Variants in CADPS observed in about 807,000 individuals in gnomAD.
CADPS encodes calcium-dependent secretion activator 1.
Under a neutral mutation model 167.3 loss-of-function variants are expected in CADPS, and 57 were observed. That is an observed-to-expected ratio of 0.34 (90% CI 0.28 to 0.42). The LOEUF is 0.42. Ranked by LOEUF, CADPS falls within the 20% of genes least tolerant of loss-of-function variation. The probability of loss-of-function intolerance (pLI) is 1.00; values close to 1 mark genes in which losing one functional copy is unlikely to be tolerated. For missense variants in CADPS, 1,414 were observed against 1,738.1 expected, an observed-to-expected ratio of 0.81 and a Z score of 3.32; for synonymous variants, 676 against 635.3, an observed-to-expected ratio of 1.06 and a Z score of -0.96.
intron 8 of CADPS, among the ~76,000 whole-genome samples, chr3:62,582,089 C>G (rs2083537531): frequency 6.6e-6 from 1 of 152,178 alleles, no homozygotes; most frequent in Admixed American, 6.5e-5. Context: ...TTCTTATGTT[C>G]CTTTTATGTT....
chr3:62,730,897 C>A (rs922823895), intron 3 of CADPS, among the ~76,000 whole-genome samples: 1 of 152,202 alleles, frequency 6.6e-6, no homozygotes, highest in South Asian at 2.1e-4. Flanking sequence ...AGGCTTCTGA[C>A]AGTCCAATAA....
intron 6 of CADPS, among the ~76,000 whole-genome samples, chr3:62,632,906 G>A (rs768478862): frequency 5.3e-5 from 8 of 151,646 alleles, no homozygotes; most frequent in Non-Finnish European, 8.8e-5. Context: ...GGAATAAAAC[G>A]GCCAGCTTGA....
chr3:62,449,582 C>T (rs985302087), intron 26 of CADPS, among the ~76,000 whole-genome samples: 18 of 152,158 alleles, frequency 1.2e-4, no homozygotes, highest in African/African-American at 4.1e-4. Context: ...CCTCCCAACC[C>T]ACTAGAGTTT....
At chr3:62,776,759 T>C (rs763922951) in intron 1 of CADPS, among the ~76,000 whole-genome samples, 1 of 152,034 alleles carries the variant, frequency 6.6e-6, no homozygotes, top group African/African-American at 2.4e-5. Flanking sequence ...TGCTGTGATA[T>C]TTGAAGAGAG....
chr3:62,645,800 T>C lies in CADPS; in HGVS notation c.1247A>G (p.Asn416Ser). 1 of 1,614,108 alleles carries C rather than the reference T, an allele frequency of 6.2e-7. No homozygotes were observed. Among genetic ancestry groups the C allele is most frequent in the Non-Finnish European group, 8.5e-7 (1 of 1,179,954 alleles). ...EVQGLKSLAP[N>S]RIVYCTMEVE... ...CTCCATTGTGCAATATACGATGCGA[T>C]TTGGAGCCAAAGATTTGAGGCCTTG... Residue 416 changes from asparagine to serine, a missense_variant, in exon 6 of 30, where the codon AAT becomes AGT. Physicochemically the swap from Asn to Ser is conservative, Grantham distance 46. Around this residue, in one of 6 missense-constraint regions of CADPS, gnomAD observed 522 missense variants for 559.5 expected, o/e 0.93. Coordinates refer to ENST00000383710, the MANE Select transcript of CADPS (RefSeq NM_003716.4).
chr3:62,463,628 G>T (rs557104861), intron 26 of CADPS, among the ~76,000 whole-genome samples: 1 of 152,292 alleles, frequency 6.6e-6, no homozygotes, highest in East Asian at 1.9e-4. Flanking sequence ...AAGCTGGCAG[G>T]ACACACTGGT....
intron 4 of CADPS, among the ~76,000 whole-genome samples, chr3:62,658,067 T>G (rs1229813593): frequency 6.6e-6 from 1 of 151,892 alleles, no homozygotes; most frequent in Non-Finnish European, 1.5e-5. Context: ...CAGCAGGGAG[T>G]GAAGAATTGG....
chr3:62,625,351 A>T (rs1563044414), intron 6 of CADPS: 1 of 148,692 alleles, frequency 6.7e-6, no homozygotes, highest in Non-Finnish European at 1.5e-5. Flanking sequence ...ATGACTAACA[A>T]TGTCATTTCA....
intron 6 of CADPS, among the ~76,000 whole-genome samples, chr3:62,607,479 T>C (rs1420317446): frequency 6.6e-6 from 1 of 152,162 alleles, no homozygotes. Flanking sequence ...GCCTCCCACA[T>C]GGAAGCAATG....
intron 14 of CADPS, 42 bp downstream of exon 14, chr3:62,518,107 C>G: frequency 1.5e-4 from 196 of 1,295,830 alleles, no homozygotes; most frequent in Non-Finnish European, 2.0e-4. Flanking sequence ...TCCCTTCCCA[C>G]TCTCATCTCC....
chr3:62,696,718 A>G (rs545153915), intron 3 of CADPS, among the ~76,000 whole-genome samples: 4 of 152,088 alleles, frequency 2.6e-5, no homozygotes, highest in African/African-American at 9.6e-5. Flanking sequence ...TTGATGTTCG[A>G]TCCTCTGTTC....
At chr3:62,603,489 T>C (rs2060256962) in intron 6 of CADPS, among the ~76,000 whole-genome samples, 1 of 152,196 alleles carries the variant, frequency 6.6e-6, no homozygotes, top group African/African-American at 2.4e-5. Context: ...GAATAATGTA[T>C]ACCACACTTT....
chr3:62,843,641 A>G (rs957017624), intron 1 of CADPS, among the ~76,000 whole-genome samples: 3 of 152,170 alleles, frequency 2.0e-5, no homozygotes, highest in Admixed American at 1.3e-4. Flanking sequence ...CTCCTGCCTT[A>G]TAGTACAAGA....
chr3:62,605,281 A>G (rs1041650795), intron 6 of CADPS, among the ~76,000 whole-genome samples: 1 of 152,150 alleles, frequency 6.6e-6, no homozygotes, highest in Non-Finnish European at 1.5e-5. Flanking sequence ...AGACAGAACA[A>G]CAGCCTCTGA....
chr3:62,487,118 C>T (rs2062943427), intron 21 of CADPS, among the ~76,000 whole-genome samples: 1 of 152,180 alleles, frequency 6.6e-6, no homozygotes, highest in African/African-American at 2.4e-5. Flanking sequence ...GCTCTTGCCT[C>T]AGAACAGTCC....
intron 24 of CADPS, chr3:62,470,718 A>T (rs1233619092): frequency 6.6e-6 from 1 of 152,216 alleles, no homozygotes; most frequent in South Asian, 2.1e-4. Flanking sequence ...GAAAAATGTC[A>T]CGAAAGATCT....
intron 17 of CADPS, among the ~76,000 whole-genome samples, chr3:62,505,674 G>A (rs1339013214): frequency 2.0e-5 from 3 of 152,104 alleles, no homozygotes; most frequent in Non-Finnish European, 4.4e-5. Flanking sequence ...TTCATGACAA[G>A]GGTTATGCCT....
Position 62,757,380 on chromosome 3 carries a change from C to A in CADPS, c.556-3607G>T, listed in dbSNP as rs1185435332. 3.3e-5 allele frequency among the ~76,000 whole-genome samples: 5 copies of A among 152,218 alleles called. No homozygotes were observed. In the East Asian group the frequency reaches 9.7e-4, roughly 29 times the overall value. On this transcript the variant is annotated intron_variant, in intron 2 of 29. Transcript: ENST00000383710. Reference sequence around the variant, plus strand: ...AGCTAGACTATAAGTTCCAGGGAGGCAGGGTAGTCGTTGTTTGTTTCTATT... The same window carrying A: ...AGCTAGACTATAAGTTCCAGGGAGGAAGGGTAGTCGTTGTTTGTTTCTATT...
chr3:62,491,555 ACAAAC>A (rs1561168949), intron 20 of CADPS, 75 bp from the exon 21 acceptor site: 105 of 916,208 alleles, frequency 1.1e-4, no homozygotes, highest in African/African-American at 3.3e-4. Flanking sequence ...ACACACACAC[ACAAAC>A]ACACACACAC....
Sources: allele counts gnomAD v4.1 joint callset (sites outside exome capture counted in the v4.1 genomes callset), GRCh38; gene constraint gnomAD v4.1.1; regional missense constraint gnomAD v4.1.1; transcripts MANE v1.5; gene names NCBI Gene and HGNC (gene_info 2026-07-23, HGNC 2026-07-21).